The following RGS7 variants were observed in gnomAD, a reference collection of about 807,000 sequenced individuals.
RGS7 encodes regulator of G-protein signaling 7.
A neutral mutation model predicts 81.1 loss-of-function variants in RGS7; 27 were observed. That is an observed-to-expected ratio of 0.33 (90% CI 0.25 to 0.46). The LOEUF (loss-of-function observed/expected upper bound fraction) is 0.46, where lower values mean the gene tolerates loss of function less well. Among genes scored for constraint, RGS7 ranks in the 20% least tolerant of loss-of-function variants. The probability of loss-of-function intolerance (pLI) is 1.00; values close to 1 mark genes in which losing one functional copy is unlikely to be tolerated. For missense variants in RGS7, 396 were observed against 607.4 expected (o/e 0.65, Z 3.66); for synonymous variants, 208 against 207.7 (o/e 1.00, Z -0.01).
Position 240,838,490 on chromosome 1 carries a change from A to C in RGS7, c.610-11318T>G, listed in dbSNP as rs1695063347. On this transcript the variant is annotated intron_variant, in intron 9 of 18. Coordinates refer to ENST00000440928, the MANE Select transcript of RGS7 (RefSeq NM_001364886.1). ...TCGGTTTAGCAAAATCTCTGTAAAG[A>C]AGATTAATTTCAAAGATATACTCTG... Among the ~76,000 whole-genome samples the C allele has an allele frequency of 3.9e-5, 6 of 152,344 alleles. 1 individual carries two copies. In the South Asian group the frequency reaches 1.2e-3, roughly 32 times the overall value.
chr1:241,099,988 T>G (rs1169468195), intron 2 of RGS7, among the ~76,000 whole-genome samples: 2 of 151,074 alleles, frequency 1.3e-5, no homozygotes, highest in Non-Finnish European at 3.0e-5. Context: ...TGTATGGGAA[T>G]TCTGTTATCT....
chr1:240,777,799 T>A (rs377107773), intron 18 of RGS7, among the ~76,000 whole-genome samples: 30 of 151,994 alleles, frequency 2.0e-4, no homozygotes, highest in African/African-American at 7.0e-4. Flanking sequence ...TCATAAGGGC[T>A]TCACCTTCAT....
rs982048422 is a variant in RGS7, at chr1:241,271,618, G to T, written c.78+84081C>A. Among the ~76,000 whole-genome samples the T allele has an allele frequency of 2.6e-5, 4 of 152,194 alleles. No individual in the cohort carries two copies. Among genetic ancestry groups the T allele is most frequent in the Non-Finnish European group, 5.9e-5 (4 of 68,034 alleles). ...TTTGAATGGTGGACTGAGTAAAGCA[G>T]ACTGCCCATCCCACTGTGGGTGTGG... On this transcript the variant is annotated intron_variant, in intron 2 of 18. Transcript: ENST00000440928. This position sits in a 1 kb window ranked among gnomAD's most constrained non-coding sequence, Gnocchi z 4.6.
chr1:240,817,193 C>T (rs146708785), intron 10 of RGS7, among the ~76,000 whole-genome samples: 1,659 of 152,272 alleles, frequency 0.011, 28 homozygotes, highest in African/African-American at 0.038. Flanking sequence ...AGACATCTCA[C>T]GTGTCAACTC....
At chr1:241,099,852 A>G (rs1162158394) in intron 2 of RGS7, among the ~76,000 whole-genome samples, 1 of 152,250 alleles carries the variant, frequency 6.6e-6, no homozygotes, top group Non-Finnish European at 1.5e-5. Context: ...AATAGTGACA[A>G]CCAAGGTGAA....
At chr1:240,838,115 T>C (rs1259282821) in intron 9 of RGS7, among the ~76,000 whole-genome samples, 1 of 152,158 alleles carries the variant, frequency 6.6e-6, no homozygotes, top group Admixed American at 6.5e-5. Flanking sequence ...TTATAAACAA[T>C]AGACATTTAT....
intron 2 of RGS7, among the ~76,000 whole-genome samples, chr1:241,137,118 C>T (rs1168897633): frequency 3.3e-5 from 5 of 152,130 alleles, no homozygotes; most frequent in African/African-American, 1.2e-4. Context: ...GAAGTTTATC[C>T]TTATTCATTC....
intron 2 of RGS7, among the ~76,000 whole-genome samples, chr1:241,147,799 T>C (rs1310519758): frequency 2.5e-5 from 3 of 119,522 alleles, no homozygotes; most frequent in South Asian, 2.6e-4. Flanking sequence ...TATATATATA[T>C]ATATATATAT....
chr1:240,815,805 A>T lies in RGS7; in HGVS notation c.783+512T>A, dbSNP rs58338858. Among the ~76,000 whole-genome samples, 1,513 of 152,336 alleles carry T rather than the reference A, an allele frequency of 9.9e-3. 21 individuals are homozygous for T. Among genetic ancestry groups the T allele is most frequent in the African/African-American group, 0.034 (1,432 of 41,572 alleles). The stretch of plus-strand genomic sequence containing the variant: ...ACACCATTGATCAAATGCTAAAAAA[A>T]AGAGGTAGTGTATAGCATGACTCCA... On this transcript the variant is annotated intron_variant, in intron 11 of 18. Coordinates refer to ENST00000440928, the MANE Select transcript of RGS7 (RefSeq NM_001364886.1).
chr1:240,957,974 C>T (rs1397558311), intron 4 of RGS7, among the ~76,000 whole-genome samples: 4 of 152,134 alleles, frequency 2.6e-5, no homozygotes, highest in South Asian at 2.1e-4. Context: ...CTTCTTCTCA[C>T]GGAGACTTGA....
chr1:240,949,236 T>C (rs547942498), intron 4 of RGS7, among the ~76,000 whole-genome samples: 7 of 152,342 alleles, frequency 4.6e-5, no homozygotes, highest in East Asian at 1.9e-4. Context: ...GCTTATCTTA[T>C]GTAATTAATT....
intron 4 of RGS7, among the ~76,000 whole-genome samples, chr1:240,958,955 C>T (rs944660391): frequency 1.3e-5 from 2 of 152,236 alleles, no homozygotes; most frequent in African/African-American, 4.8e-5. Context: ...GAAAGACAGG[C>T]AGGCACGCTG....
At chr1:241,236,122 C>T (rs1303518447) in intron 2 of RGS7, among the ~76,000 whole-genome samples, 1 of 151,868 alleles carries the variant, frequency 6.6e-6, no homozygotes, top group Non-Finnish European at 1.5e-5. Flanking sequence ...GAGAAAGTTA[C>T]CAAGTGCCTG....
chr1:241,246,029 G>T (rs546605290), intron 2 of RGS7, among the ~76,000 whole-genome samples: 1 of 152,180 alleles, frequency 6.6e-6, no homozygotes, highest in Non-Finnish European at 1.5e-5. Context: ...GCGTGAACCT[G>T]GGAGGTGGAG....
chr1:241,160,102 C>T (rs2069504095), intron 2 of RGS7, among the ~76,000 whole-genome samples: 1 of 125,022 alleles, frequency 8.0e-6, no homozygotes, highest in Non-Finnish European at 1.6e-5. Context: ...CAGAGCGAGA[C>T]TCCATCTCAA....
intron 18 of RGS7, among the ~76,000 whole-genome samples, chr1:240,779,324 T>C (rs1279145168): frequency 2.6e-5 from 4 of 152,044 alleles, no homozygotes; most frequent in Admixed American, 2.6e-4. Flanking sequence ...GCCCGGCTAA[T>C]TTTGTACTTT....
intron 6 of RGS7, among the ~76,000 whole-genome samples, chr1:240,889,777 C>G (rs1186340580): frequency 6.6e-6 from 1 of 152,076 alleles, no homozygotes; most frequent in Admixed American, 6.6e-5. Flanking sequence ...TCTGATATGA[C>G]GCATGGTGAT....
At chr1:241,301,576 G>A (rs768537123) in intron 2 of RGS7, among the ~76,000 whole-genome samples, 2 of 152,200 alleles carry the variant, frequency 1.3e-5, no homozygotes, top group Non-Finnish European at 2.9e-5. Context: ...ATGGGGAAAT[G>A]GAGTGAGAGA....
At chr1:240,922,873 G>C (rs1673809660) in intron 6 of RGS7, among the ~76,000 whole-genome samples, 1 of 151,886 alleles carries the variant, frequency 6.6e-6, no homozygotes, top group South Asian at 2.1e-4. Flanking sequence ...CAAATGAATT[G>C]GAAACTTATG....
Sources: allele counts gnomAD v4.1 joint callset (sites outside exome capture counted in the v4.1 genomes callset), GRCh38; gene constraint gnomAD v4.1.1; non-coding constraint Gnocchi (gnomAD v3.1); transcripts MANE v1.5; gene names NCBI Gene and HGNC (gene_info 2026-07-23, HGNC 2026-07-21).